Variants in FAM240C observed in about 807,000 individuals in gnomAD.
FAM240C encodes protein FAM240C.
In FAM240C, 14 loss-of-function variants were observed where a neutral mutation model predicts 10.0. That is an observed-to-expected ratio of 1.40 (90% CI 0.92 to 2.19). The LOEUF (loss-of-function observed/expected upper bound fraction) is 2.19, where lower values mean the gene tolerates loss of function less well. FAM240C is among the 30% of genes most tolerant of loss of function. The pLI is 0.00. For synonymous variants in FAM240C, 49 were observed against 44.3 expected (o/e 1.11, Z -0.42); for missense variants, 154 against 122.3 (o/e 1.26, Z -1.22).
intron 1 of FAM240C, among the ~76,000 whole-genome samples, chr2:241,897,732 T>A (rs1701888031): frequency 6.6e-6 from 1 of 152,208 alleles, no homozygotes; most frequent in Non-Finnish European, 1.5e-5. Context: ...CTGTGCCAGG[T>A]GAGTCCATCC....
chr2:241,894,353 A>T lies in FAM240C; in HGVS notation c.162-14T>A. 1 of 1,534,584 alleles carries T rather than the reference A, an allele frequency of 6.5e-7. No homozygotes were observed. The highest frequency in any genetic ancestry group is 8.8e-7 in the Non-Finnish European group (1 of 1,138,992). On this transcript the variant is annotated splice_polypyrimidine_tract_variant and intron_variant, in intron 2 of 2. Coordinates refer to ENST00000404031, the MANE Select transcript of FAM240C (RefSeq NM_001382368.1). ...CCCACGCGGAGCCTGGGGCAGGGCG[A>T]TAATTTCGGCATTGTGAGTCAAGCT...
Position 241,899,420 on chromosome 2 carries a change from G to C in FAM240C, c.12+938C>G, listed in dbSNP as rs556146503. 19 of 823,850 alleles carry C rather than the reference G, an allele frequency of 2.3e-5. No homozygotes were observed. In the South Asian group the frequency reaches 3.3e-4, roughly 14 times the overall value. The allele number at this position is 823,850 out of a possible 1,614,324, so 51.0% of individuals were successfully genotyped here. ...AGCCACGCCTGCCTGTGCTGAGGAC[G>C]CTGGCGCGAATTCAGTGAGTGAAAA... On this transcript the variant is annotated intron_variant, in intron 1 of 2. Transcript: ENST00000404031.
upstream of FAM240C, chr2:241,902,394 C>T (rs1702006437): frequency 6.8e-6 from 1 of 147,946 alleles, no homozygotes; most frequent in South Asian, 1.8e-4. This position sits in a 1 kb window ranked among gnomAD's most constrained non-coding sequence, Gnocchi z 7.1. Context: ...CCGCCGCCTC[C>T]CCTCCGCCGC....
At chr2:241,901,553 G>A (rs1187469011), upstream of FAM240C, among the ~76,000 whole-genome samples, 1 of 152,084 alleles carries the variant, frequency 6.6e-6, no homozygotes, top group Admixed American at 6.5e-5. The surrounding 1 kb of genome is among the most constrained non-coding windows in gnomAD (Gnocchi z 4.9). Context: ...GAGTCCTGGC[G>A]TGTGCTCAGG....
chr2:241,897,059 T>C, intron 2 of FAM240C, 127 bp downstream of exon 2: 1 of 996,914 alleles, frequency 1.0e-6, no homozygotes, highest in Admixed American at 2.6e-5. Flanking sequence ...GGCCTGGAGC[T>C]GAGGGGTTTC....
chr2:241,897,082 G>A, intron 2 of FAM240C, 104 bp downstream of exon 2: 21 of 1,293,044 alleles, frequency 1.6e-5, no homozygotes, highest in Non-Finnish European at 2.2e-5. Flanking sequence ...GGTGGGCTGA[G>A]GGCCAGGGCT....
At position 241,894,220 on chromosome 2, in the gene FAM240C, G is replaced by A. The variant is rs868324348; in HGVS notation, c.281C>T (p.Ala94Val). ...TESLHTKDKK[A>V]A Reference sequence around the variant, plus strand: ...TCTGGAGCTCGTGGGCCCTCAGGCCGCCTTCTTGTCCTTGGTGTGGAGGGA... The same window carrying A: ...TCTGGAGCTCGTGGGCCCTCAGGCCACCTTCTTGTCCTTGGTGTGGAGGGA... The change falls in exon 3 of 3, where the codon GCG becomes GTG. Residue 94 changes from alanine to valine, a missense_variant. Ala to Val is a moderately conservative substitution (Grantham distance 64). Coordinates refer to ENST00000404031, the MANE Select transcript of FAM240C (RefSeq NM_001382368.1). The A allele has an allele frequency of 1.2e-5, 18 of 1,548,974 alleles. No homozygotes were observed. The Admixed American group carries it at 2.2e-4, about 19-fold the overall frequency.
chr2:241,897,344 A>C lies in FAM240C; in HGVS notation c.13-10T>G. The C allele has an allele frequency of 6.5e-7, 1 of 1,549,090 alleles. No homozygotes were observed. Among genetic ancestry groups the C allele is most frequent in the Non-Finnish European group, 8.7e-7 (1 of 1,146,024 alleles). Reference sequence around the variant, plus strand: ...GGCTTTTACTCATGTTCTGGAAAATAAAAAGTGGAGAAGAGCTCAGTCACC... The same window carrying C: ...GGCTTTTACTCATGTTCTGGAAAATCAAAAGTGGAGAAGAGCTCAGTCACC... On this transcript the variant is annotated splice_polypyrimidine_tract_variant and intron_variant, in intron 1 of 2. Coordinates refer to ENST00000404031, the MANE Select transcript of FAM240C (RefSeq NM_001382368.1).
intron 2 of FAM240C, 146 bp from the exon 3 acceptor site, chr2:241,894,485 C>T: frequency 1.1e-6 from 1 of 895,064 alleles, no homozygotes; most frequent in Non-Finnish European, 1.6e-6. Flanking sequence ...CGCATCCCTG[C>T]CCAGCCAGCA....
rs3934497 is a variant in FAM240C, at chr2:241,900,417, C to T, written c.-48G>A. ...CCTGTCTCTGTTGAGGGTCCTCAGC[C>T]TGTCCTCTCCGGGGTGCACGCCTGT... On this transcript the variant is annotated 5_prime_UTR_variant, in exon 1 of 3. Coordinates refer to ENST00000404031, the MANE Select transcript of FAM240C (RefSeq NM_001382368.1). This position sits in a 1 kb window ranked among gnomAD's most constrained non-coding sequence, Gnocchi z 4.5. 62,446 of 716,760 alleles carry T rather than the reference C, an allele frequency of 0.087. 3,436 individuals carry two copies. Among genetic ancestry groups the T allele is most frequent in the Middle Eastern group, 0.16 (697 of 4,226 alleles). The allele number at this position is 716,760 out of a possible 1,614,324, so 44.4% of individuals were successfully genotyped here. A position where few individuals can be genotyped will look rare whatever the true frequency, so the allele number is the denominator to read the frequency against.
chr2:241,895,082 T>G (rs1384096025), intron 2 of FAM240C, among the ~76,000 whole-genome samples: 1 of 152,216 alleles, frequency 6.6e-6, no homozygotes, highest in East Asian at 1.9e-4. Context: ...GTGAGCTGTG[T>G]CCATGAGGAC....
intron 2 of FAM240C, among the ~76,000 whole-genome samples, chr2:241,895,525 C>T (rs1260138669): frequency 6.6e-6 from 1 of 152,238 alleles, no homozygotes; most frequent in African/African-American, 2.4e-5. Context: ...CCCTTGGGCT[C>T]ACACCAGCAC....
chr2:241,896,551 G>T, intron 2 of FAM240C, among the ~76,000 whole-genome samples: 1 of 130,836 alleles, frequency 7.6e-6, no homozygotes, highest in African/African-American at 2.8e-5. Context: ...GTGTTGGGGT[G>T]TGTGTGTTGG....
chr2:241,900,448 G>T lies in FAM240C; in HGVS notation c.-79C>A. The T allele has an allele frequency of 1.4e-6, 1 of 709,256 alleles. No individual in the cohort carries two copies. The highest frequency in any genetic ancestry group is 2.0e-5 in the Admixed American group (1 of 49,460). The allele number at this position is 709,256 out of a possible 1,614,324, so 43.9% of individuals were successfully genotyped here. A position where few individuals can be genotyped will look rare whatever the true frequency, so the allele number is the denominator to read the frequency against. On this transcript the variant is annotated 5_prime_UTR_variant, in exon 1 of 3. Coordinates refer to ENST00000404031, the MANE Select transcript of FAM240C (RefSeq NM_001382368.1). This position sits in a 1 kb window ranked among gnomAD's most constrained non-coding sequence, Gnocchi z 4.5. ...TCTCCGGGGTGCACGCCTGTATCTCGCCTGCCGCTCTCTGTTACATGGGCT... is the reference window on the plus strand; with the variant it reads ...TCTCCGGGGTGCACGCCTGTATCTCTCCTGCCGCTCTCTGTTACATGGGCT...
chr2:241,894,764 G>A (rs75753904), intron 2 of FAM240C, among the ~76,000 whole-genome samples: 7 of 152,302 alleles, frequency 4.6e-5, no homozygotes, highest in African/African-American at 1.2e-4. Flanking sequence ...AGGACAGGGC[G>A]GCCTCTGTGG....
At chr2:241,894,572 G>A (rs906527782) in intron 2 of FAM240C, among the ~76,000 whole-genome samples, 2 of 37,928 alleles carry the variant, frequency 5.3e-5, no homozygotes, top group Non-Finnish European at 1.0e-4. Context: ...CCAGTGGTTG[G>A]TGGGGGGGGG....
chr2:241,896,502 A>C (rs114022390), intron 2 of FAM240C, among the ~76,000 whole-genome samples: 1 of 7,510 alleles, frequency 1.3e-4, no homozygotes, highest in African/African-American at 2.2e-4. Context: ...GTGTGGGTGA[A>C]GGGGGTGTGG....
rs6737028 is a variant in FAM240C at position 241,900,045 on chromosome 2, C to G, written c.12+313G>C. On this transcript the variant is annotated intron_variant, in intron 1 of 2. Coordinates refer to ENST00000404031, the MANE Select transcript of FAM240C (RefSeq NM_001382368.1). The surrounding 1 kb of genome is among the most constrained non-coding windows in gnomAD (Gnocchi z 4.5). ...TCATGCCACTGCACTCCAGCCTGGG[C>G]GACAGAGCGAGACTCCATCTCATAA... 0.56 allele frequency among the ~76,000 whole-genome samples: 85,238 copies of G among 151,896 alleles called. 24,509 individuals carry two copies. The highest frequency in any genetic ancestry group is 0.79 in the East Asian group (4,071 of 5,144).
At chr2:241,901,901 C>G (rs151259714), upstream of FAM240C, among the ~76,000 whole-genome samples, 75 of 152,332 alleles carry the variant, frequency 4.9e-4, 1 homozygote, top group African/African-American at 1.5e-3. The surrounding 1 kb of genome is among the most constrained non-coding windows in gnomAD (Gnocchi z 4.9). Context: ...CCAGCAATCA[C>G]AACACCGGCC....
Sources: gnomAD v4.1 joint callset for allele counts (sites outside exome capture counted in the v4.1 genomes callset) on GRCh38, gnomAD v4.1.1 for gene constraint, Gnocchi (gnomAD v3.1) non-coding constraint, MANE v1.5 for transcripts, NCBI Gene and HGNC (gene_info 2026-07-23, HGNC 2026-07-21) for gene names.